ANGEL1: variants seen among roughly 807,000 people sequenced by gnomAD.
ANGEL1 encodes the protein RNA 2',3'-cyclic phosphatase ANGEL1.
Under a neutral mutation model 76.4 loss-of-function variants are expected in ANGEL1, and 62 were observed. That is an observed-to-expected ratio of 0.81 (90% CI 0.66 to 1.00). The LOEUF is 1.00. Ranked by LOEUF, ANGEL1 falls within the 50% of genes least tolerant of loss-of-function variation. The pLI, the probability that ANGEL1 is intolerant of heterozygous loss-of-function variation, is 0.00. For synonymous variants in ANGEL1, 340 were observed against 331.7 expected (o/e 1.03, Z -0.27); for missense variants, 737 against 836.7 (o/e 0.88, Z 1.47).
chr14:76,795,870 G>A (rs1347551477), intron 7 of ANGEL1, among the ~76,000 whole-genome samples: 2 of 152,144 alleles, frequency 1.3e-5, no homozygotes, highest in African/African-American at 4.8e-5. Context: ...TAGCTAATGA[G>A]CTTCTTTAAT....
chr14:76,804,831 G>A (rs567882032), intron 5 of ANGEL1, among the ~76,000 whole-genome samples: 43 of 152,106 alleles, frequency 2.8e-4, no homozygotes, highest in African/African-American at 9.4e-4. Context: ...CCAACATGGC[G>A]AAACCCCGTC....
Position 76,809,081 on chromosome 14 carries a change from G to C in ANGEL1, c.627C>G (p.Pro209=), listed in dbSNP as rs375438066. Reference sequence around the variant, plus strand: ...CACCATGATATGGTATTTCCACTGCGGGAGGCTGCAACTGCCCCAGGCCCT... The same window carrying C: ...CACCATGATATGGTATTTCCACTGCCGGAGGCTGCAACTGCCCCAGGCCCT... ...PFEGLGQLQP[P]AVEIPYHEIL... Residue 209 remains proline, a synonymous_variant, in exon 2 of 10, where the codon CCC becomes CCG. Transcript: ENST00000251089. 1.9e-6 allele frequency: 3 copies of C among 1,612,966 alleles called. No homozygotes were observed. In the African/African-American group the frequency reaches 4.0e-5, roughly 22 times the overall value.
chr14:76,799,257 T>C (rs1391646430), intron 7 of ANGEL1, among the ~76,000 whole-genome samples: 1 of 148,696 alleles, frequency 6.7e-6, no homozygotes, highest in Non-Finnish European at 1.5e-5. Context: ...TAAGATCTCG[T>C]TGTACTCCAT....
At chr14:76,794,405 C>T (rs1894513226) in intron 7 of ANGEL1, among the ~76,000 whole-genome samples, 1 of 152,158 alleles carries the variant, frequency 6.6e-6, no homozygotes, top group Non-Finnish European at 1.5e-5. Flanking sequence ...GGCGCAGTGG[C>T]TCACGCCTGT....
intron 7 of ANGEL1, among the ~76,000 whole-genome samples, chr14:76,799,847 A>G (rs575270210): frequency 6.6e-6 from 1 of 151,502 alleles, no homozygotes; most frequent in South Asian, 2.1e-4. Context: ...AAGGCTACAC[A>G]GTGAGCCATG....
intron 1 of ANGEL1, among the ~76,000 whole-genome samples, chr14:76,810,985 A>T (rs1436602215): frequency 3.3e-5 from 5 of 152,238 alleles, no homozygotes; most frequent in Non-Finnish European, 5.9e-5. Context: ...AAGTGGCTCA[A>T]ATATTGAAAG....
intron 5 of ANGEL1, among the ~76,000 whole-genome samples, chr14:76,805,668 A>G (rs536100497): frequency 1.3e-5 from 2 of 151,150 alleles, no homozygotes; most frequent in East Asian, 3.9e-4. Context: ...TTGCTGAGTG[A>G]AAAAAAACAA....
At chr14:76,789,859 TA>T (rs202223554) in intron 9 of ANGEL1, among the ~76,000 whole-genome samples, 53,768 of 135,336 alleles carry the variant, frequency 0.4, 11,188 homozygotes, top group Middle Eastern at 0.47. Context: ...CATGCCTGGC[TA>T]ATTTTTTTTT....
intron 7 of ANGEL1, among the ~76,000 whole-genome samples, chr14:76,797,363 G>A (rs747170396): frequency 6.6e-6 from 1 of 152,168 alleles, no homozygotes; most frequent in Admixed American, 6.5e-5. Flanking sequence ...ACTTTGGGAG[G>A]CCGAAGCCGG....
chr14:76,794,189 T>A (rs951302727), intron 7 of ANGEL1, among the ~76,000 whole-genome samples: 1 of 152,140 alleles, frequency 6.6e-6, no homozygotes, highest in Non-Finnish European at 1.5e-5. Flanking sequence ...GTGATGAAAA[T>A]GTTCTAAAAT....
rs926440506 is a variant in ANGEL1 at position 76,812,639 on chromosome 14, C to T, written c.64+125G>A. On this transcript the variant is annotated intron_variant, in intron 1 of 9. Coordinates refer to ENST00000251089, the MANE Select transcript of ANGEL1 (RefSeq NM_015305.4). ...AGGGGCTCAGGACCGCCTCCCTACA[C>T]CTCGGCACTGCCCGGGGCACGGTAG... The T allele has an allele frequency of 2.2e-6, 3 of 1,344,992 alleles. No individual in the cohort carries two copies. The African/African-American group carries it at 4.6e-5, about 21-fold the overall frequency. 83.3% of individuals were successfully genotyped at this position (1,344,992 alleles called of 1,614,324 possible).
At chr14:76,789,795 A>G (rs1250809851) in intron 9 of ANGEL1, among the ~76,000 whole-genome samples, 1 of 151,196 alleles carries the variant, frequency 6.6e-6, no homozygotes, top group Non-Finnish European at 1.5e-5. Flanking sequence ...CCCGGGTTCA[A>G]GCGATTCTCC....
intron 7 of ANGEL1, among the ~76,000 whole-genome samples, chr14:76,797,080 A>G (rs1894601902): frequency 6.6e-6 from 1 of 152,184 alleles, no homozygotes; most frequent in Non-Finnish European, 1.5e-5. Context: ...TCCAGGTCAC[A>G]TAAGCTGCTA....
chr14:76,798,946 C>CAAAAA (rs58535403), intron 7 of ANGEL1, among the ~76,000 whole-genome samples: 2 of 73,796 alleles, frequency 2.7e-5, no homozygotes, highest in Non-Finnish European at 2.9e-5. Flanking sequence ...GACTCTGTCT[C>CAAAAA]AAAAAAAAAA....
chr14:76,804,340 G>T (rs372505935), intron 5 of ANGEL1: 1 of 1,076,024 alleles, frequency 9.3e-7, no homozygotes, highest in South Asian at 3.9e-5. Flanking sequence ...TAACCACAGG[G>T]TCAAACCAAA....
chr14:76,802,853 A>G (rs902145744), intron 7 of ANGEL1, among the ~76,000 whole-genome samples: 2 of 152,168 alleles, frequency 1.3e-5, no homozygotes, highest in South Asian at 2.1e-4. Flanking sequence ...TTGGTGTCAG[A>G]TATCTTCAAA....
intron 7 of ANGEL1, among the ~76,000 whole-genome samples, chr14:76,803,011 TAAA>T (rs1894811021): frequency 6.6e-6 from 1 of 152,248 alleles, no homozygotes; most frequent in African/African-American, 2.4e-5. Context: ...CAACTTTTAT[TAAA>T]ATCAGAACCA....
At chr14:76,800,972 CAA>C (rs773166901) in intron 7 of ANGEL1, among the ~76,000 whole-genome samples, 7 of 126,000 alleles carry the variant, frequency 5.6e-5, no homozygotes, top group Admixed American at 8.1e-5. Context: ...GACTTTGTCT[CAA>C]AAAAAAAAAA....
chr14:76,786,988 C>T lies in ANGEL1; in HGVS notation c.*2240G>A, dbSNP rs1045426886. 1 of 152,388 alleles carries T rather than the reference C, an allele frequency of 6.6e-6. No homozygotes were observed. The highest frequency in any genetic ancestry group is 2.1e-4 in the South Asian group (1 of 4,830). 9.4% of individuals were successfully genotyped at this position (152,388 alleles called of 1,614,324 possible). On this transcript the variant is annotated 3_prime_UTR_variant, in exon 10 of 10. Coordinates refer to ENST00000251089, the MANE Select transcript of ANGEL1 (RefSeq NM_015305.4). ...GAATCATTCTCTCACTTGGGAAGGA[C>T]AGAAGAAAGCTGTACCCCAGCAGTG...
Sources: allele counts gnomAD v4.1 joint callset (sites outside exome capture counted in the v4.1 genomes callset), GRCh38; gene constraint gnomAD v4.1.1; transcripts MANE v1.5; gene names NCBI Gene and HGNC (gene_info 2026-07-23, HGNC 2026-07-21).